The following COL6A1 variants were observed in gnomAD, a reference collection of about 807,000 sequenced individuals.
The protein encoded by COL6A1 is collagen alpha-1(VI) chain.
In COL6A1, 80 loss-of-function variants were observed where a neutral mutation model predicts 145.6. The ratio of observed to expected loss-of-function variants is 0.55; its 90% CI spans 0.46 to 0.66. The LOEUF (loss-of-function observed/expected upper bound fraction) is 0.66. Among genes scored for constraint, COL6A1 ranks in the 30% least tolerant of loss-of-function variants. The probability of loss-of-function intolerance (pLI) is 0.00; values close to 1 mark genes in which losing one functional copy is unlikely to be tolerated. For missense variants in COL6A1, 1,364 were observed against 1,473.8 expected, an observed-to-expected ratio of 0.93 and a Z score of 1.22; for synonymous variants, 638 against 622.8, an observed-to-expected ratio of 1.02 and a Z score of -0.36.
At chr21:45,989,515 G>C in intron 9 of COL6A1, 93 bp from the exon 10 acceptor site, 1 of 1,326,122 alleles carries the variant, frequency 7.5e-7, no homozygotes, top group Non-Finnish European at 1.1e-6. Flanking sequence ...GCCTGACCAG[G>C]CCTGGGCTGG....
At position 45,994,998 on chromosome 21, in the gene COL6A1, G is replaced by C. The variant is rs865841797; in HGVS notation, c.1398+769G>C. On this transcript the variant is annotated intron_variant, in intron 20 of 34. Transcript: ENST00000361866. This position sits in a 1 kb window ranked among gnomAD's most constrained non-coding sequence, Gnocchi z 6.8. Reference sequence around the variant, plus strand: ...GAGCACAAGGCCAGACCCTGGGCACGGCAGCTGTCTCAGACGTCCAGCAAG... The same window carrying C: ...GAGCACAAGGCCAGACCCTGGGCACCGCAGCTGTCTCAGACGTCCAGCAAG... Among the ~76,000 whole-genome samples the C allele has an allele frequency of 5.3e-5, 8 of 152,254 alleles. No individual in the cohort carries two copies. Among genetic ancestry groups the C allele is most frequent in the Non-Finnish European group, 7.3e-5 (5 of 68,044 alleles).
chr21:45,984,035 C>T (rs2077723347), intron 2 of COL6A1, among the ~76,000 whole-genome samples: 1 of 152,216 alleles, frequency 6.6e-6, no homozygotes, highest in African/African-American at 2.4e-5. Flanking sequence ...GCCACACACT[C>T]AGGGCTCCTG....
At chr21:45,991,146 C>T in intron 15 of COL6A1, 105 bp downstream of exon 15, 2 of 1,287,454 alleles carry the variant, frequency 1.6e-6, no homozygotes, top group East Asian at 2.4e-5. Flanking sequence ...ATGTCGGCCA[C>T]CCGTGCGGCC....
In COL6A1 at chr21:46,004,518, C is replaced by G. The variant is rs1026373755; in HGVS notation, c.*505C>G. ...CTGTCCCCATAGCTGGTTTTTCCCA[C>G]CAATCCTCACCTAACAGTTACTTTA... On this transcript the variant is annotated 3_prime_UTR_variant, in exon 35 of 35. Coordinates refer to ENST00000361866, the MANE Select transcript of COL6A1 (RefSeq NM_001848.3). The G allele has an allele frequency of 1.9e-5, 6 of 311,894 alleles. No homozygotes were observed. The highest frequency in any genetic ancestry group is 8.8e-5 in the African/African-American group (4 of 45,410). 19.3% of individuals were successfully genotyped at this position (311,894 alleles called of 1,614,324 possible). A position where few individuals can be genotyped will look rare whatever the true frequency, so the allele number is the denominator to read the frequency against.
At chr21:45,985,728 T>G (rs1603589823) in intron 3 of COL6A1, among the ~76,000 whole-genome samples, 1 of 151,814 alleles carries the variant, frequency 6.6e-6, no homozygotes. Flanking sequence ...GTGCGGGGGG[T>G]TTGGGGAGAG....
intron 11 of COL6A1, among the ~76,000 whole-genome samples, chr21:45,990,002 G>T (rs939419797): frequency 8.2e-5 from 1 of 12,186 alleles, no homozygotes; most frequent in African/African-American, 2.8e-4. Context: ...CAGAGCAGGG[G>T]TCCCCCGGGC....
rs369815234 is a variant in COL6A1 at position 45,997,534 on chromosome 21, C to A, written c.1461+51C>A. The A allele has an allele frequency of 3.2e-5, 50 of 1,572,580 alleles. 1 individual carries two copies. The African/African-American group carries it at 5.5e-4, about 17-fold the overall frequency. The stretch of plus-strand genomic sequence containing the variant: ...CGCCCACCCAGGGGGGCCTGAGGAT[C>A]CAGAACCCACTGTCTGCCCAGTGCT... On this transcript the variant is annotated intron_variant, in intron 21 of 34. Transcript: ENST00000361866.
At chr21:46,001,054 G>C in intron 29 of COL6A1, 199 bp from the exon 30 acceptor site, 1 of 788,770 alleles carries the variant, frequency 1.3e-6, no homozygotes, top group East Asian at 2.7e-5. Context: ...GCTGAGCAAC[G>C]CCAGCCCTGA....
intron 3 of COL6A1, among the ~76,000 whole-genome samples, chr21:45,985,925 C>G (rs951972861): frequency 6.6e-6 from 1 of 152,184 alleles, no homozygotes; most frequent in African/African-American, 2.4e-5. Flanking sequence ...CGTCAGAGTG[C>G]GGCCCCCTGT....
chr21:45,996,605 G>A (rs184555467), intron 20 of COL6A1, among the ~76,000 whole-genome samples: 10 of 152,336 alleles, frequency 6.6e-5, no homozygotes, highest in South Asian at 2.1e-4. Flanking sequence ...AGGGACAGGC[G>A]TCCGACCAGG....
At position 45,981,811 on chromosome 21, in the gene COL6A1, C is replaced by T. The variant is rs371842589; in HGVS notation, c.-40C>T. On this transcript the variant is annotated 5_prime_UTR_variant, in exon 1 of 35. Coordinates refer to ENST00000361866, the MANE Select transcript of COL6A1 (RefSeq NM_001848.3). Reference sequence around the variant, plus strand: ...CTCTGGGCGGCGGCGGCGGCCCACTCTGCCCTGGCCGCGCTGTGTGGTGAC... The same window carrying T: ...CTCTGGGCGGCGGCGGCGGCCCACTTTGCCCTGGCCGCGCTGTGTGGTGAC... The T allele has an allele frequency of 1.1e-4, 166 of 1,513,232 alleles. No homozygotes were observed. In the African/African-American group the frequency reaches 2.0e-3, roughly 18 times the overall value. The allele number at this position is 1,513,232 out of a possible 1,614,324, so 93.7% of individuals were successfully genotyped here. A position where few individuals can be genotyped will look rare whatever the true frequency, so the allele number is the denominator to read the frequency against.
At chr21:45,992,572 G>A (rs1267085822) in intron 18 of COL6A1, among the ~76,000 whole-genome samples, 174 bp downstream of exon 18, 1 of 152,230 alleles carries the variant, frequency 6.6e-6, no homozygotes, top group East Asian at 1.9e-4. Flanking sequence ...CAGAGCGGGT[G>A]GGACCTGGGG....
At position 45,997,775 on chromosome 21, in the gene COL6A1, C is replaced by T. The variant is rs377440770; in HGVS notation, c.1524+13C>T. 1.1e-5 allele frequency: 18 copies of T among 1,578,550 alleles called. No homozygotes were observed. The highest frequency in any genetic ancestry group is 1.5e-5 in the Non-Finnish European group (18 of 1,162,416). ...GATGGGTGAAAGGGTGAGTGTCCAA[C>T]AGCTCGGGCCCTAGGGCGGAGGCCT... On this transcript the variant is annotated intron_variant, in intron 22 of 34. Transcript: ENST00000361866.
chr21:45,998,460 C>T, intron 24 of COL6A1, 27 bp downstream of exon 24: 1 of 1,613,088 alleles, frequency 6.2e-7, no homozygotes, highest in Non-Finnish European at 8.5e-7. Context: ...CTCCATCTGG[C>T]TGTGGGCACA....
rs765649740 is a variant in COL6A1, at chr21:45,994,306, C to G, written c.1398+77C>G. The G allele has an allele frequency of 5.9e-6, 8 of 1,345,480 alleles. No homozygotes were observed. In the East Asian group the frequency reaches 1.7e-4, roughly 29 times the overall value. The allele number at this position is 1,345,480 out of a possible 1,614,324, so 83.3% of individuals were successfully genotyped here. ...TAGAAGTGCTCCAGCAGCTCACGCA[C>G]TGGGGGTCTGTTCATTTCCGTTTGA... On this transcript the variant is annotated intron_variant, in intron 20 of 34. Transcript: ENST00000361866. The surrounding 1 kb of genome is among the most constrained non-coding windows in gnomAD (Gnocchi z 6.8).
At chr21:45,997,828 G>T in intron 22 of COL6A1, 66 bp downstream of exon 22, 1 of 1,509,294 alleles carries the variant, frequency 6.6e-7, no homozygotes, top group East Asian at 2.5e-5. Context: ...GGAAGCCCCA[G>T]CCCCGCACTG....
chr21:45,987,170 C>T lies in COL6A1; in HGVS notation c.733C>T (p.Gln245Ter), dbSNP rs1299587596. 6.3e-7 allele frequency: 1 copy of T among 1,597,436 alleles called. No homozygotes were observed. Among genetic ancestry groups the T allele is most frequent in the Admixed American group, 1.7e-5 (1 of 59,186 alleles). ...CTCTTTCCAGAAAAATAACGTGGAG[C>T]AAGTGGTAAGAGCCCTCCCCACCAC... ...IVDMIKNNVE[Q>*]VCCSFECQPA... is the part of the protein sequence containing the mutation. Residue 245 changes from glutamine to a stop codon, truncating the protein, a stop_gained, in exon 6 of 35, where the codon CAA (glutamine) becomes TAA (stop). Transcript: ENST00000361866. LOFTEE classifies it high-confidence loss of function.
Position 45,990,250 on chromosome 21 carries a change from C to T in COL6A1, c.931-8C>T. 1.2e-6 allele frequency: 2 copies of T among 1,612,254 alleles called. No homozygotes were observed. Among genetic ancestry groups the T allele is most frequent in the East Asian group, 2.2e-5 (1 of 44,798 alleles). ...ATACCCCCTCACACCCGCTTCCTGT[C>T]TCCGCAGGGCTCCAGGGGACCCAAG... On this transcript the variant is annotated splice_region_variant and splice_polypyrimidine_tract_variant and intron_variant, in intron 11 of 34. Coordinates refer to ENST00000361866, the MANE Select transcript of COL6A1 (RefSeq NM_001848.3).
At chr21:45,988,356 C>T (rs1203024803) in intron 8 of COL6A1, among the ~76,000 whole-genome samples, 1 of 45,254 alleles carries the variant, frequency 2.2e-5, no homozygotes, top group Admixed American at 2.3e-4. Context: ...CGGCGGGAGT[C>T]CAGATGGAGG....
Sources: gnomAD v4.1 joint callset for allele counts (sites outside exome capture counted in the v4.1 genomes callset) on GRCh38, gnomAD v4.1.1 for gene constraint, Gnocchi (gnomAD v3.1) non-coding constraint, MANE v1.5 for transcripts, NCBI Gene and HGNC (gene_info 2026-07-23, HGNC 2026-07-21) for gene names.